The following ZNF107 variants were observed in gnomAD, a reference collection of about 807,000 sequenced individuals.
ZNF107 encodes C2H2 type zinc-finger protein.
ZNF107 carries 19 observed loss-of-function variants against 12.3 expected under a neutral mutation model. That is an observed-to-expected ratio of 1.55 (90% CI 1.08 to 2.27). The LOEUF (loss-of-function observed/expected upper bound fraction) is 2.27. ZNF107 is among the 30% of genes most tolerant of loss of function. ZNF107 has a pLI of 0.00. For synonymous variants in ZNF107, 317 were observed against 330.5 expected (o/e 0.96, Z 0.44); for missense variants, 958 against 979.9 (o/e 0.98, Z 0.30).
At chr7:64,673,322 A>G (rs549246199) in intron 1 of ZNF107, among the ~76,000 whole-genome samples, 183 of 152,326 alleles carry the variant, frequency 1.2e-3, no homozygotes, top group African/African-American at 4.3e-3. Flanking sequence ...GATTATAGGC[A>G]TGAGCCACCG....
intron 1 of ZNF107, chr7:64,690,309 C>G (rs1343068698): frequency 1.7e-4 from 158 of 950,172 alleles, no homozygotes; most frequent in Non-Finnish European, 1.9e-4. Context: ...AGTATATTTA[C>G]ACAGTTGATG....
rs986715814 is a variant in ZNF107, at chr7:64,694,502, CTTTTTTTTTG to C, written c.226+2559_226+2568del. Among the ~76,000 whole-genome samples, 220 of 127,790 alleles carry C rather than the reference CTTTTTTTTTG, an allele frequency of 1.7e-3. 4 individuals carry two copies. Among genetic ancestry groups the C allele is most frequent in the Non-Finnish European group, 5.0e-4 (29 of 57,870 alleles). 83.8% of individuals were successfully genotyped at this position (127,790 alleles called of 152,430 possible). On this transcript the variant is annotated intron_variant, in intron 3 of 3. Coordinates refer to ENST00000620827, the MANE Select transcript of ZNF107 (RefSeq NM_001282359.2). ...TTATTTTTTATTTATTTTCTTTTTT[CTTTTTTTTTG>C]TTTTTTTTTGTTTTTTGTTTTTAAA...
intron 1 of ZNF107, chr7:64,686,829 T>TC: frequency 1.1e-6 from 1 of 947,086 alleles, no homozygotes; most frequent in Non-Finnish European, 1.3e-6. Context: ...CCGGGCTGAC[T>TC]CCCTTTTCCG....
intron 1 of ZNF107, among the ~76,000 whole-genome samples, chr7:64,688,793 A>G (rs1720497296): frequency 6.6e-6 from 1 of 152,214 alleles, no homozygotes. Context: ...TTATCTCTTG[A>G]AACTGCTTGC....
Position 64,708,379 on chromosome 7 carries a change from A to T in ZNF107, c.2282A>T (p.Tyr761Phe), listed in dbSNP as rs910980216. The T allele has an allele frequency of 2.5e-6, 4 of 1,613,234 alleles. No individual in the cohort carries two copies. In the Admixed American group the frequency reaches 5.0e-5, roughly 20 times the overall value. ...HKKIHTGEKP[Y>F]KCEECGKAFN... ...AAAATTCATACTGGAGAGAAACCCT[A>T]TAAATGTGAAGAATGTGGCAAAGCT... Residue 761 changes from tyrosine (Y) to phenylalanine (F), a missense_variant, in exon 4 of 4, where the codon TAT becomes TTT. By Grantham distance (22) the Tyr-to-Phe change is conservative (BLOSUM62 3). Coordinates refer to ENST00000620827, the MANE Select transcript of ZNF107 (RefSeq NM_001282359.2).
intron 1 of ZNF107, 27 bp downstream of exon 1, chr7:64,666,312 A>G: frequency 6.2e-7 from 1 of 1,607,742 alleles, no homozygotes; most frequent in Non-Finnish European, 8.5e-7. Flanking sequence ...CGACATCCCG[A>G]GAGAGGGGGA....
Position 64,709,734 on chromosome 7 carries a change from C to A in ZNF107, c.*1078C>A. The A allele has an allele frequency of 6.6e-6, 3 of 455,686 alleles. No individual in the cohort carries two copies. The highest frequency in any genetic ancestry group is 4.7e-5 in the South Asian group (3 of 64,448). The allele number at this position is 455,686 out of a possible 1,614,324, so 28.2% of individuals were successfully genotyped here. A position where few individuals can be genotyped will look rare whatever the true frequency, so the allele number is the denominator to read the frequency against. On this transcript the variant is annotated 3_prime_UTR_variant, in exon 4 of 4. Coordinates refer to ENST00000620827, the MANE Select transcript of ZNF107 (RefSeq NM_001282359.2). ...AATGTGGAAAAGCCATTATTATCTG[C>A]TCAGATTTTACTCAACATTAGAGAG...
intron 3 of ZNF107, among the ~76,000 whole-genome samples, chr7:64,698,469 C>T (rs1163946061): frequency 6.6e-6 from 1 of 151,594 alleles, no homozygotes; most frequent in Non-Finnish European, 1.5e-5. Flanking sequence ...GTTGCCCAGG[C>T]TAGAGTGCAG....
chr7:64,706,620 T>C lies in ZNF107; in HGVS notation c.523T>C (p.Cys175Arg), dbSNP rs754815892. The change falls in exon 4 of 4, where the codon TGT (cysteine) becomes CGT (arginine). Residue 175 changes from cysteine to arginine, a missense_variant. Transcript: ENST00000620827. Reference sequence around the variant, plus strand: ...ACATACAGGAAACAAACACTTCAAATGTAAAGAATGTAGCAAATCATTTTG... The same window carrying C: ...ACATACAGGAAACAAACACTTCAAACGTAAAGAATGTAGCAAATCATTTTG... ...RRHTGNKHFK[C>R]KECSKSFCVL... 2.0e-5 allele frequency: 33 copies of C among 1,613,376 alleles called. No homozygotes were observed. The highest frequency in any genetic ancestry group is 1.7e-4 in the Middle Eastern group (1 of 6,060).
In ZNF107 at chr7:64,708,581, A is replaced by G. The variant is rs1234757969; in HGVS notation, c.2484A>G (p.Leu828=). 3.7e-6 allele frequency: 6 copies of G among 1,612,042 alleles called. No homozygotes were observed. In the East Asian group the frequency reaches 1.3e-4, roughly 36 times the overall value. The stretch of plus-strand genomic sequence containing the variant: ...GAGATTATGGCAGAGCTTTCAACCT[A>G]TCCTCAAATCTTACTACACATAAGA... The part of the protein sequence containing the change: ...KCGDYGRAFN[L]SSNLTTHKKI... Residue 828 remains leucine (L), a synonymous_variant, in exon 4 of 4, where the codon CTA becomes CTG. Transcript: ENST00000620827.
At chr7:64,705,337 C>T (rs1421529514) in intron 3 of ZNF107, among the ~76,000 whole-genome samples, 2 of 151,102 alleles carry the variant, frequency 1.3e-5, no homozygotes, top group African/African-American at 4.9e-5. Context: ...CTGTTTTTTG[C>T]TATTTTTAAT....
At chr7:64,692,922 G>A (rs1034625050) in intron 3 of ZNF107, among the ~76,000 whole-genome samples, 1 of 152,044 alleles carries the variant, frequency 6.6e-6, no homozygotes, top group Non-Finnish European at 1.5e-5. Context: ...TTTTGTATGT[G>A]TAAGAGTATA....
At chr7:64,694,044 G>A (rs968578562) in intron 3 of ZNF107, among the ~76,000 whole-genome samples, 7 of 152,066 alleles carry the variant, frequency 4.6e-5, no homozygotes, top group Admixed American at 6.5e-5. Context: ...CATCTCTACC[G>A]CCCAAAGTGC....
intron 3 of ZNF107, among the ~76,000 whole-genome samples, chr7:64,694,875 ATAAAT>A (rs1487918139): frequency 6.6e-6 from 1 of 152,210 alleles, no homozygotes; most frequent in Non-Finnish European, 1.5e-5. Context: ...TATGCCTAAA[ATAAAT>A]TAGATAATTA....
At chr7:64,691,453 A>G in intron 2 of ZNF107, 79 bp downstream of exon 2, 1 of 1,215,868 alleles carries the variant, frequency 8.2e-7, no homozygotes, top group Non-Finnish European at 1.1e-6. Context: ...GTTTTCTGGT[A>G]ATTTATGCTT....
At chr7:64,705,522 T>A (rs1042832002) in intron 3 of ZNF107, among the ~76,000 whole-genome samples, 11 of 152,112 alleles carry the variant, frequency 7.2e-5, no homozygotes, top group African/African-American at 2.7e-4. Flanking sequence ...TGCCCTAATA[T>A]TTTTTATACG....
At chr7:64,668,204 G>C (rs188439447) in intron 1 of ZNF107, among the ~76,000 whole-genome samples, 2 of 151,568 alleles carry the variant, frequency 1.3e-5, no homozygotes, top group East Asian at 3.9e-4. Context: ...TGTGCATAAC[G>C]TGCAGGTTTG....
In ZNF107 at chr7:64,708,848, T is replaced by G; in HGVS notation, c.*192T>G. 1 of 666,794 alleles carries G rather than the reference T, an allele frequency of 1.5e-6. No homozygotes were observed. Among genetic ancestry groups the G allele is most frequent in the Non-Finnish European group, 2.5e-6 (1 of 397,528 alleles). The allele number at this position is 666,794 out of a possible 1,614,324, so 41.3% of individuals were successfully genotyped here. On this transcript the variant is annotated 3_prime_UTR_variant, in exon 4 of 4. Transcript: ENST00000620827. ...ACTAATCTTCAAACCTTACTGAAAG[T>G]TGAGAAAATTCGTACTGGAGAGAAT...
rs57490541 is a variant in ZNF107 at position 64,700,060 on chromosome 7, C to CAAA, written c.227-6250_227-6248dup. On this transcript the variant is annotated intron_variant, in intron 3 of 3. Transcript: ENST00000620827. ...TGGGCGACAGAGTGAGACTCCATCT[C>CAAA]AAAAAAAAAAAAAAAAGAATATTGT... Among the ~76,000 whole-genome samples the CAAA allele has an allele frequency of 9.9e-3, 957 of 96,784 alleles. 56 individuals are homozygous for CAAA. Among genetic ancestry groups the CAAA allele is most frequent in the African/African-American group, 0.037 (904 of 24,148 alleles). The allele number at this position is 96,784 out of a possible 152,430, so 63.5% of individuals were successfully genotyped here. A position where few individuals can be genotyped will look rare whatever the true frequency, so the allele number is the denominator to read the frequency against.
Sources: gnomAD v4.1 joint callset for allele counts (sites outside exome capture counted in the v4.1 genomes callset) on GRCh38, gnomAD v4.1.1 for gene constraint, MANE v1.5 for transcripts, NCBI Gene and HGNC (gene_info 2026-07-23, HGNC 2026-07-21) for gene names.